The following IQSEC1 variants were observed in gnomAD, a reference collection of about 807,000 sequenced individuals.
IQSEC1 encodes the protein IQ motif and SEC7 domain-containing protein 1.
In IQSEC1, 31 loss-of-function variants were observed where a neutral mutation model predicts 91.0. The observed-to-expected ratio is 0.34, with a 90% CI of 0.26 to 0.46. The LOEUF (loss-of-function observed/expected upper bound fraction) is 0.46, where lower values mean the gene tolerates loss of function less well. Among genes scored for constraint, IQSEC1 ranks in the 20% least tolerant of loss-of-function variants. The pLI, the probability that IQSEC1 is intolerant of heterozygous loss-of-function variation, is 1.00. For missense variants in IQSEC1, 1,388 were observed against 1,575.6 expected, an observed-to-expected ratio of 0.88 and a Z score of 2.02; for synonymous variants, 699 against 662.6, an observed-to-expected ratio of 1.05 and a Z score of -0.84.
intron 2 of IQSEC1, among the ~76,000 whole-genome samples, chr3:13,085,537 C>T (rs948653403): frequency 2.0e-5 from 3 of 152,238 alleles, no homozygotes; most frequent in Non-Finnish European, 4.4e-5. Flanking sequence ...GCAGCCCTGC[C>T]AGCAGAGCCT....
chr3:13,017,295 T>A (rs1472167801), intron 1 of IQSEC1, among the ~76,000 whole-genome samples: 1 of 152,238 alleles, frequency 6.6e-6, no homozygotes, highest in Non-Finnish European at 1.5e-5. Context: ...CCTGAACATC[T>A]ATCTGCTCCA....
chr3:13,251,052 A>G (rs1484251907), intron 1 of IQSEC1, among the ~76,000 whole-genome samples: 1 of 150,402 alleles, frequency 6.6e-6, no homozygotes, highest in Non-Finnish European at 1.5e-5. Context: ...ACCTCCTCTT[A>G]CCCTCCCCCG....
intron 1 of IQSEC1, among the ~76,000 whole-genome samples, chr3:13,280,993 G>A (rs1470074065): frequency 6.6e-6 from 1 of 152,262 alleles, no homozygotes; most frequent in Admixed American, 6.5e-5. Context: ...CCCACGGAAG[G>A]ACGACGTGCT....
chr3:13,095,716 A>ACGCCTGT (rs1393113256), intron 2 of IQSEC1, among the ~76,000 whole-genome samples: 1 of 152,068 alleles, frequency 6.6e-6, no homozygotes, highest in Non-Finnish European at 1.5e-5. Flanking sequence ...GATGCTGAGC[A>ACGCCTGT]CGCCTGTCGG....
intron 13 of IQSEC1, 101 bp downstream of exon 13, chr3:12,902,670 CAA>C (rs1213830618): frequency 0.013 from 2,438 of 191,164 alleles, 4 homozygotes; most frequent in East Asian, 0.029. Context: ...AAAAAAAAAC[CAA>C]AAAAAAAAAA....
chr3:12,989,707 C>T (rs752937795), intron 1 of IQSEC1, among the ~76,000 whole-genome samples: 1 of 152,226 alleles, frequency 6.6e-6, no homozygotes, highest in Non-Finnish European at 1.5e-5. Flanking sequence ...TTCAGTCCCT[C>T]TTGTCCTCAC....
At chr3:13,071,538 T>C (rs1315568394) in intron 1 of IQSEC1, among the ~76,000 whole-genome samples, 1 of 152,162 alleles carries the variant, frequency 6.6e-6, no homozygotes, top group Non-Finnish European at 1.5e-5. Flanking sequence ...TCCCAGCCAC[T>C]GGGGTGGAAG....
intron 1 of IQSEC1, among the ~76,000 whole-genome samples, chr3:13,060,228 C>G (rs1705017977): frequency 6.6e-6 from 1 of 152,152 alleles, no homozygotes; most frequent in Non-Finnish European, 1.5e-5. Flanking sequence ...TGTGGCCAGT[C>G]AGCACCATGG....
intron 1 of IQSEC1, among the ~76,000 whole-genome samples, chr3:13,222,536 G>A (rs142112382): frequency 2.0e-5 from 3 of 152,056 alleles, no homozygotes; most frequent in African/African-American, 4.8e-5. Flanking sequence ...TAACTCCTTC[G>A]GGAACCACCA....
intron 2 of IQSEC1, among the ~76,000 whole-genome samples, chr3:13,107,213 T>A (rs1261261377): frequency 6.6e-6 from 1 of 151,908 alleles, no homozygotes; most frequent in Non-Finnish European, 1.5e-5. Context: ...GCACAAGAGG[T>A]ATTCCTGAAA....
At chr3:13,147,615 C>A (rs865867281) in intron 2 of IQSEC1, among the ~76,000 whole-genome samples, 2 of 152,166 alleles carry the variant, frequency 1.3e-5, no homozygotes, top group African/African-American at 4.8e-5. Flanking sequence ...GTGAATTGTG[C>A]TGCAATAAAC....
At position 12,901,336 on chromosome 3, in the gene IQSEC1, G is replaced by A. The variant is rs1216279310; in HGVS notation, c.2992C>T (p.Pro998Ser). 7.8e-6 allele frequency: 12 copies of A among 1,531,732 alleles called. No individual in the cohort carries two copies. Among genetic ancestry groups the A allele is most frequent in the Non-Finnish European group, 9.7e-6 (11 of 1,136,568 alleles). The allele number at this position is 1,531,732 out of a possible 1,614,324, so 94.9% of individuals were successfully genotyped here. A position where few individuals can be genotyped will look rare whatever the true frequency, so the allele number is the denominator to read the frequency against. The stretch of plus-strand genomic sequence containing the variant: ...TGCTGCAAGTGAGGCAGGACCACCG[G>A]TGGGTGGGGGGGTGGCAGGGCTGGG... ...SAPALPPPHP[P>S]VVLPHLQHSV... is the part of the protein sequence containing the mutation. Residue 998 changes from proline to serine, a missense_variant, in exon 14 of 14, where the codon CCG (proline) becomes TCG (serine). Physicochemically the swap from Pro to Ser is moderately conservative, Grantham distance 74. Around this residue, in one of 2 missense-constraint regions of IQSEC1, gnomAD observed 329 missense variants for 257.8 expected, o/e 1.28. Transcript: ENST00000613206.
chr3:13,281,147 G>T (rs922511141), intron 1 of IQSEC1, among the ~76,000 whole-genome samples: 1 of 152,214 alleles, frequency 6.6e-6, no homozygotes. Context: ...CTTGGGACCT[G>T]CCCTGGTGCC....
chr3:13,131,071 G>GGGAA (rs1706608653), intron 2 of IQSEC1, among the ~76,000 whole-genome samples: 1 of 93,606 alleles, frequency 1.1e-5, no homozygotes, highest in South Asian at 5.0e-4. Flanking sequence ...GAAGGAGGGA[G>GGGAA]GGAAGGTGAA....
intron 1 of IQSEC1, among the ~76,000 whole-genome samples, chr3:13,241,742 A>G (rs893316246): frequency 1.3e-4 from 20 of 152,240 alleles, no homozygotes; most frequent in Admixed American, 1.3e-4. Flanking sequence ...GGTCCTTGCC[A>G]GCTGGGCTCA....
rs774935349 is a variant in IQSEC1, at chr3:13,104,648, C to T, written c.303-57126G>A. 4.6e-5 allele frequency among the ~76,000 whole-genome samples: 7 copies of T among 152,302 alleles called. No homozygotes were observed. In the East Asian group the frequency reaches 1.2e-3, roughly 25 times the overall value. On this transcript the variant is annotated intron_variant, in intron 2 of 15. Transcript: ENST00000648114. ...TCTCCCTCCCCCACCTCTCCCCCTC[C>T]GGTGGCCCTGGCTCCGGACTCAGCT... is the stretch of plus-strand genomic sequence containing the variant.
chr3:13,267,710 C>T (rs58570021), intron 1 of IQSEC1, among the ~76,000 whole-genome samples: 7,416 of 151,736 alleles, frequency 0.049, 597 homozygotes, highest in African/African-American at 0.17. Flanking sequence ...CTCCGCCTCC[C>T]GGGTTCACGC....
chr3:13,276,077 A>ACTC (rs1695672564), intron 1 of IQSEC1, among the ~76,000 whole-genome samples: 2 of 85,600 alleles, frequency 2.3e-5, no homozygotes, highest in Middle Eastern at 6.8e-3. Context: ...CCTCAAAAGC[A>ACTC]TTCTTTTTTT....
intron 1 of IQSEC1, among the ~76,000 whole-genome samples, chr3:12,960,860 A>G (rs2125479959): frequency 6.6e-6 from 1 of 152,316 alleles, no homozygotes; most frequent in Non-Finnish European, 1.5e-5. Flanking sequence ...GCCGGCACGC[A>G]TAGTCACCTG....
Sources: allele counts gnomAD v4.1 joint callset (sites outside exome capture counted in the v4.1 genomes callset), GRCh38; gene constraint gnomAD v4.1.1; regional missense constraint gnomAD v4.1.1; transcripts MANE v1.5; gene names NCBI Gene and HGNC (gene_info 2026-07-23, HGNC 2026-07-21).